Variants in IMPDH1 observed in about 807,000 individuals in gnomAD.
IMPDH1 encodes inosine-5'-monophosphate dehydrogenase 1.
Under a neutral mutation model 73.5 loss-of-function variants are expected in IMPDH1, and 41 were observed. That is an observed-to-expected ratio of 0.56 (90% confidence interval 0.43 to 0.72). The LOEUF is 0.72. Among genes scored for constraint, IMPDH1 ranks in the 30% least tolerant of loss-of-function variants. IMPDH1 has a pLI of 0.00. For missense variants in IMPDH1, 645 were observed against 824.8 expected, an observed-to-expected ratio of 0.78 and a Z score of 2.67; for synonymous variants, 318 against 334.3, an observed-to-expected ratio of 0.95 and a Z score of 0.53.
At position 128,405,771 on chromosome 7, in the gene IMPDH1, A is replaced by G; in HGVS notation, c.349T>C (p.Tyr117His). The G allele has an allele frequency of 6.5e-7, 1 of 1,537,586 alleles. No homozygotes were observed. Among genetic ancestry groups the G allele is most frequent in the Non-Finnish European group, 8.8e-7 (1 of 1,142,828 alleles). ...QLFASADGLT[Y>H]NDFLILPGFI... Reference sequence around the variant, plus strand: ...GGTACGAGACCCGGCGCTTACTTGTAGGTGAGGCCGTCGGCGCTGGCGAAG... The same window carrying G: ...GGTACGAGACCCGGCGCTTACTTGTGGGTGAGGCCGTCGGCGCTGGCGAAG... The change falls in exon 4 of 17, where the codon TAC (tyrosine) becomes CAC (histidine). Residue 117 changes from tyrosine to histidine, a missense_variant. Tyr to His is a moderately conservative substitution (Grantham distance 83). Coordinates refer to ENST00000338791, the MANE Select transcript of IMPDH1 (RefSeq NM_000883.4).
chr7:128,396,953 G>T lies in IMPDH1; in HGVS notation c.1144C>A (p.Leu382Ile). 4 of 1,613,554 alleles carry T rather than the reference G, an allele frequency of 2.5e-6. No homozygotes were observed. The highest frequency in any genetic ancestry group is 3.4e-6 in the Non-Finnish European group (4 of 1,179,642). ...VHYIKQKYPH[L>I]QVIGGNVVTA... ...TCACCGTTCCCCCCAATCACCTGGA[G>T]GTGGGGGTACTTCTGTTTGATGTAA... The change falls in exon 11 of 17, where the codon CTC becomes ATC. Residue 382 changes from leucine (L) to isoleucine (I), a missense_variant. Physicochemically the swap from Leu to Ile is conservative, Grantham distance 5. Transcript: ENST00000338791. This position sits in a 1 kb window ranked among gnomAD's most constrained non-coding sequence, Gnocchi z 4.0.
chr7:128,403,632 G>T, intron 5 of IMPDH1, 74 bp downstream of exon 5: 1 of 1,305,000 alleles, frequency 7.7e-7, no homozygotes, highest in Non-Finnish European at 1.1e-6. Flanking sequence ...TCCATGCCCT[G>T]CCCCTGAGCA....
In IMPDH1 at chr7:128,393,034, G is replaced by A. The variant is rs1297633120; in HGVS notation, c.1779-6C>T. 6.2e-7 allele frequency: 1 copy of A among 1,613,886 alleles called. No homozygotes were observed. Among genetic ancestry groups the A allele is most frequent in the Admixed American group, 1.7e-5 (1 of 60,004 alleles). ...AGTACAGCCGCTTTTCGTAACTGTG[G>A]GGACAAGGCAAGAGGGGGAACAAGA... On this transcript the variant is annotated splice_polypyrimidine_tract_variant and splice_region_variant and intron_variant, in intron 16 of 16. Coordinates refer to ENST00000338791, the MANE Select transcript of IMPDH1 (RefSeq NM_000883.4).
chr7:128,401,178 G>A, intron 5 of IMPDH1, 62 bp from the exon 6 acceptor site: 1 of 1,236,944 alleles, frequency 8.1e-7, no homozygotes, highest in Non-Finnish European at 1.2e-6. Context: ...CACTCACTGA[G>A]CTCCTACATG....
chr7:128,402,100 G>T (rs1220910750), intron 5 of IMPDH1, among the ~76,000 whole-genome samples: 1 of 151,808 alleles, frequency 6.6e-6, no homozygotes, highest in Non-Finnish European at 1.5e-5. Context: ...GGCCAGGCAG[G>T]GTTTTTTTTT....
chr7:128,399,734 A>G (rs1462344538), intron 9 of IMPDH1, among the ~76,000 whole-genome samples: 1 of 152,206 alleles, frequency 6.6e-6, no homozygotes, highest in African/African-American at 2.4e-5. Context: ...TATTATAAAA[A>G]CAGCTCTAGT....
chr7:128,400,834 C>T lies in IMPDH1; in HGVS notation c.562G>A (p.Glu188Lys). The T allele has an allele frequency of 1.9e-6, 3 of 1,614,178 alleles. No individual in the cohort carries two copies. Among genetic ancestry groups the T allele is most frequent in the Non-Finnish European group, 2.5e-6 (3 of 1,179,996 alleles). Residue 188 changes from glutamate (E) to lysine (K), a missense_variant, in exon 7 of 17, where the codon GAG becomes AAG. By Grantham distance (56) the Glu-to-Lys change is moderately conservative. Coordinates refer to ENST00000338791, the MANE Select transcript of IMPDH1 (RefSeq NM_000883.4). ...GTACTTGCCTTGACCTTCCGCACCTCGTTGGCCTGGAACTCTGGGGTGCAG... is the reference window on the plus strand; with the variant it reads ...GTACTTGCCTTGACCTTCCGCACCTTGTTGGCCTGGAACTCTGGGGTGCAG... ...HNCTPEFQAN[E>K]VRKVKKFEQG...
intron 4 of IMPDH1, among the ~76,000 whole-genome samples, chr7:128,404,601 C>G (rs184491599): frequency 3.5e-4 from 54 of 152,186 alleles, no homozygotes; most frequent in African/African-American, 1.2e-3. Flanking sequence ...GCATCCCTAG[C>G]GCAGGAAGGA....
intron 12 of IMPDH1, among the ~76,000 whole-genome samples, chr7:128,395,819 G>A (rs1240959368): frequency 6.6e-6 from 1 of 152,206 alleles, no homozygotes; most frequent in Non-Finnish European, 1.5e-5. Context: ...TTTGAACAGT[G>A]CCTGAGACAA....
At chr7:128,408,125 A>C (rs888088105) in intron 3 of IMPDH1, among the ~76,000 whole-genome samples, 2 of 152,122 alleles carry the variant, frequency 1.3e-5, no homozygotes, top group Admixed American at 1.3e-4. Context: ...TCCGAAGCCG[A>C]GGAAGGGCTG....
In IMPDH1 at chr7:128,394,561, C is replaced by T. The variant is rs756992593; in HGVS notation, c.1589G>A (p.Gly530Asp). 2.1e-5 allele frequency: 34 copies of T among 1,613,652 alleles called. No homozygotes were observed. The highest frequency in any genetic ancestry group is 2.6e-5 in the Non-Finnish European group (31 of 1,179,928). Residue 530 changes from glycine to aspartate, a missense_variant, in exon 15 of 17, where the codon GGC (glycine) becomes GAC (aspartate). Around this residue, in one of 2 missense-constraint regions of IMPDH1, gnomAD observed 459 missense variants for 638.2 expected, o/e 0.72. Coordinates refer to ENST00000338791, the MANE Select transcript of IMPDH1 (RefSeq NM_000883.4). This position sits in a 1 kb window ranked among gnomAD's most constrained non-coding sequence, Gnocchi z 5.5. Reference sequence around the variant, plus strand: ...AATGGATCCTTTGTCCTGGATGGAGCCCGAGACACCCTGCGCGATCTTCAC... The same window carrying T: ...AATGGATCCTTTGTCCTGGATGGAGTCCGAGACACCCTGCGCGATCTTCAC... ...DKVKIAQGVS[G>D]SIQDKGSIQK... is the part of the protein sequence containing the mutation.
chr7:128,399,840 T>G (rs1321938162), intron 9 of IMPDH1, among the ~76,000 whole-genome samples: 1 of 152,222 alleles, frequency 6.6e-6, no homozygotes, highest in Non-Finnish European at 1.5e-5. Context: ...GAGTTATTGC[T>G]CAGGATTTTT....
In IMPDH1 at chr7:128,405,865, G is replaced by A; in HGVS notation, c.255C>T (p.Ser85=). ...CGCCGCTGATCAGGTAGTCCGCCATGCTGCCGCGAGACCCCGCGACCCGAC... is the reference window on the plus strand; with the variant it reads ...CGCCGCTGATCAGGTAGTCCGCCATACTGCCGCGAGACCCCGCGACCCGAC... The part of the protein sequence containing the change: ...GVQMDRLRRA[S]MADYLISGGT... The change falls in exon 4 of 17, where the codon AGC becomes AGT. Residue 85 remains serine (S), a splice_region_variant and synonymous_variant. Coordinates refer to ENST00000338791, the MANE Select transcript of IMPDH1 (RefSeq NM_000883.4). 6.6e-7 allele frequency: 1 copy of A among 1,524,072 alleles called. No homozygotes were observed. Among genetic ancestry groups the A allele is most frequent in the Non-Finnish European group, 8.8e-7 (1 of 1,137,466 alleles). 94.4% of individuals were successfully genotyped at this position (1,524,072 alleles called of 1,614,324 possible). A position where few individuals can be genotyped will look rare whatever the true frequency, so the allele number is the denominator to read the frequency against.
At position 128,398,626 on chromosome 7, in the gene IMPDH1, G is replaced by A; in HGVS notation, c.875-13C>T. 1 of 1,609,142 alleles carries A rather than the reference G, an allele frequency of 6.2e-7. No individual in the cohort carries two copies. The highest frequency in any genetic ancestry group is 8.5e-7 in the Non-Finnish European group (1 of 1,176,058). On this transcript the variant is annotated splice_polypyrimidine_tract_variant and intron_variant, in intron 9 of 16. Transcript: ENST00000338791. The surrounding 1 kb of genome is among the most constrained non-coding windows in gnomAD (Gnocchi z 4.3). ...ATAGGCAGCTTCCCTGACAAGGAAT[G>A]CAGGGGTGAAATGAAGCAGGCTTGG...
Position 128,394,844 on chromosome 7 carries a change from G to A in IMPDH1, c.1550+45C>T, listed in dbSNP as rs886889013. On this transcript the variant is annotated intron_variant, in intron 14 of 16. Transcript: ENST00000338791. The surrounding 1 kb of genome is among the most constrained non-coding windows in gnomAD (Gnocchi z 5.5). ...GTCGGTGGCATGAGCGGGCCCTGAA[G>A]GGTTGTGGGCTGATCTGCCCAGGTG... The A allele has an allele frequency of 4.4e-5, 70 of 1,607,908 alleles. No homozygotes were observed. The highest frequency in any genetic ancestry group is 5.9e-5 in the Non-Finnish European group (70 of 1,178,290).
chr7:128,408,899 G>A (rs1290115889), intron 3 of IMPDH1, among the ~76,000 whole-genome samples: 2 of 152,166 alleles, frequency 1.3e-5, no homozygotes, highest in East Asian at 3.9e-4. Flanking sequence ...AGCCCCTTAA[G>A]CCGTTAAAAG....
At chr7:128,393,742 C>T (rs909962856) in intron 16 of IMPDH1, 3 of 223,564 alleles carry the variant, frequency 1.3e-5, no homozygotes, top group Non-Finnish European at 2.7e-5. Flanking sequence ...GGTATAGCTA[C>T]GGAAGGGTGG....
At position 128,394,687 on chromosome 7, in the gene IMPDH1, C is replaced by T; in HGVS notation, c.1551-88G>A. 6.5e-7 allele frequency: 1 copy of T among 1,540,232 alleles called. No homozygotes were observed. The highest frequency in any genetic ancestry group is 8.9e-7 in the Non-Finnish European group (1 of 1,125,966). On this transcript the variant is annotated intron_variant, in intron 14 of 16. Coordinates refer to ENST00000338791, the MANE Select transcript of IMPDH1 (RefSeq NM_000883.4). This position sits in a 1 kb window ranked among gnomAD's most constrained non-coding sequence, Gnocchi z 5.5. Reference sequence around the variant, plus strand: ...TTAAGGGCAAAAACGGGATACCGCCCAGGAAGGTCCCCCAGGCCACCCCTC... The same window carrying T: ...TTAAGGGCAAAAACGGGATACCGCCTAGGAAGGTCCCCCAGGCCACCCCTC...
In IMPDH1 at chr7:128,409,352, T is replaced by C; in HGVS notation, c.191A>G (p.Glu64Gly). The C allele has an allele frequency of 6.2e-7, 1 of 1,614,162 alleles. No individual in the cohort carries two copies. The highest frequency in any genetic ancestry group is 2.2e-5 in the East Asian group (1 of 44,876). The change falls in exon 3 of 17, where the codon GAA becomes GGA. Residue 64 changes from glutamate to glycine, a missense_variant and splice_region_variant. Transcript: ENST00000338791. ...TGCCAGTAAGACCACTGAAGATAGT[T>C]CTAGGAGGAAACAGCTAAGGAGGGG... ...LATHPTTPRSELSSVVLLAGV... is the reference protein window; with the variant it reads ...LATHPTTPRSGLSSVVLLAGV...
Sources: gnomAD v4.1 joint callset for allele counts (sites outside exome capture counted in the v4.1 genomes callset) on GRCh38, gnomAD v4.1.1 for gene constraint, gnomAD v4.1.1 regional missense constraint, Gnocchi (gnomAD v3.1) non-coding constraint, MANE v1.5 for transcripts, NCBI Gene and HGNC (gene_info 2026-07-23, HGNC 2026-07-21) for gene names.